Variants in C1QTNF1 observed in about 807,000 individuals in gnomAD.
The protein encoded by C1QTNF1 is complement C1q tumor necrosis factor-related protein 1.
Under a neutral mutation model 27.8 loss-of-function variants are expected in C1QTNF1, and 22 were observed. The ratio of observed to expected loss-of-function variants is 0.79; its 90% CI spans 0.56 to 1.13. The LOEUF (loss-of-function observed/expected upper bound fraction) is 1.13. Ranked by LOEUF, C1QTNF1 falls within the 50% of genes most tolerant of loss-of-function variation. C1QTNF1 has a pLI of 0.00. For synonymous variants in C1QTNF1, 166 were observed against 154.3 expected (o/e 1.08, Z -0.56); for missense variants, 373 against 380.2 (o/e 0.98, Z 0.16).
chr17:79,035,684 G>C (rs927192504), intron 1 of C1QTNF1, among the ~76,000 whole-genome samples: 1 of 152,178 alleles, frequency 6.6e-6, no homozygotes, highest in East Asian at 1.9e-4. Flanking sequence ...GCCCACCTCA[G>C]CCTCCCAAAG....
Position 79,048,158 on chromosome 17 carries a change from C to A in C1QTNF1, c.*70C>A. 7.2e-7 allele frequency: 1 copy of A among 1,394,762 alleles called. No homozygotes were observed. The highest frequency in any genetic ancestry group is 1.5e-5 in the South Asian group (1 of 67,114). 86.4% of individuals were successfully genotyped at this position (1,394,762 alleles called of 1,614,324 possible). ...CTGTGCTGACCCCACCGCCTCTTCC[C>A]CGATCCCTGGACTCCGACTCCCTGG... On this transcript the variant is annotated 3_prime_UTR_variant, in exon 4 of 4. Coordinates refer to ENST00000579760, the MANE Select transcript of C1QTNF1 (RefSeq NM_030968.5).
Position 79,043,947 on chromosome 17 carries a change from C to A in C1QTNF1, c.-14-8C>A, listed in dbSNP as rs544783973. ...CGGTGCCTTCCCTGTGTGTTTCTTT[C>A]CCACCAGGGCCCGGCAGGAAGATGG... is the stretch of plus-strand genomic sequence containing the variant. On this transcript the variant is annotated splice_region_variant and splice_polypyrimidine_tract_variant and intron_variant, in intron 1 of 3. Coordinates refer to ENST00000579760, the MANE Select transcript of C1QTNF1 (RefSeq NM_030968.5). 1 of 1,613,494 alleles carries A rather than the reference C, an allele frequency of 6.2e-7. No individual in the cohort carries two copies. The highest frequency in any genetic ancestry group is 1.3e-5 in the African/African-American group (1 of 74,934).
At chr17:79,041,012 G>A (rs182212063) in intron 1 of C1QTNF1, among the ~76,000 whole-genome samples, 13 of 152,304 alleles carry the variant, frequency 8.5e-5, no homozygotes, top group South Asian at 6.2e-4. Context: ...GGGGCCATCC[G>A]TGATGGGATA....
At chr17:79,027,568 C>G (rs1394454496) in intron 1 of C1QTNF1, 2 of 152,330 alleles carry the variant, frequency 1.3e-5, no homozygotes, top group African/African-American at 2.4e-5. Context: ...CAGGGACATG[C>G]AGGAGCAGGA....
At chr17:79,033,887 G>A (rs1477809921) in intron 1 of C1QTNF1, among the ~76,000 whole-genome samples, 1 of 152,156 alleles carries the variant, frequency 6.6e-6, no homozygotes, top group African/African-American at 2.4e-5. Flanking sequence ...CAGTGCGCAC[G>A]AAAGAGGAAT....
At chr17:79,028,496 A>T (rs2072036231) in intron 1 of C1QTNF1, among the ~76,000 whole-genome samples, 1 of 152,088 alleles carries the variant, frequency 6.6e-6, no homozygotes, top group Non-Finnish European at 1.5e-5. Flanking sequence ...AAACGCTTAG[A>T]CCCATTCTCC....
rs571838668 is a variant in C1QTNF1 at position 79,049,381 on chromosome 17, C to G, written c.*1293C>G. 6.6e-6 allele frequency: 1 copy of G among 152,520 alleles called. No homozygotes were observed. Among genetic ancestry groups the G allele is most frequent in the Non-Finnish European group, 1.5e-5 (1 of 68,184 alleles). 9.4% of individuals were successfully genotyped at this position (152,520 alleles called of 1,614,324 possible). Reference sequence around the variant, plus strand: ...TGGGTGGCAGGAGAGGCAATAGCCCCTGTGGCAATTGCAGGACCAGCTGGA... The same window carrying G: ...TGGGTGGCAGGAGAGGCAATAGCCCGTGTGGCAATTGCAGGACCAGCTGGA... On this transcript the variant is annotated 3_prime_UTR_variant, in exon 4 of 4. Transcript: ENST00000579760. The surrounding 1 kb of genome is among the most constrained non-coding windows in gnomAD (Gnocchi z 4.4).
At chr17:79,035,171 C>A (rs749456452) in intron 1 of C1QTNF1, among the ~76,000 whole-genome samples, 33 of 152,116 alleles carry the variant, frequency 2.2e-4, no homozygotes, top group Non-Finnish European at 5.9e-5. Flanking sequence ...AGAAGGACAC[C>A]CCAACGTGGC....
intron 1 of C1QTNF1, among the ~76,000 whole-genome samples, chr17:79,030,529 C>CT (rs67155586): frequency 1.2e-4 from 7 of 59,926 alleles, no homozygotes; most frequent in East Asian, 7.7e-4. Context: ...TTCTTTCTTT[C>CT]TTCTTTCTTT....
intron 1 of C1QTNF1, chr17:79,027,608 C>G (rs1242974312): frequency 6.6e-6 from 1 of 152,276 alleles, no homozygotes; most frequent in African/African-American, 2.4e-5. Flanking sequence ...CTTCCCGAGC[C>G]CCGCAGTGAG....
intron 1 of C1QTNF1, 23 bp from the exon 2 acceptor site, chr17:79,043,932 C>G: frequency 6.2e-7 from 1 of 1,612,940 alleles, no homozygotes; most frequent in Non-Finnish European, 8.5e-7. Flanking sequence ...CGGTGCCTTC[C>G]CTGTGTGTTT....
chr17:79,047,675 T>C lies in C1QTNF1; in HGVS notation c.433T>C (p.Tyr145His). 3 of 1,613,968 alleles carry C rather than the reference T, an allele frequency of 1.9e-6. No individual in the cohort carries two copies. The stretch of plus-strand genomic sequence containing the variant: ...CCCTGGGGAGCGGTGCAAGAGCCAC[T>C]ACGCCGCCTTTTCGGTGGGCCGGAA... ...GAPGERCKSHYAAFSVGRKKP... is the reference protein window; with the variant it reads ...GAPGERCKSHHAAFSVGRKKP... Residue 145 changes from tyrosine (Y) to histidine (H), a missense_variant, in exon 4 of 4, where the codon TAC (tyrosine) becomes CAC (histidine). By Grantham distance (83) the Tyr-to-His change is moderately conservative. Transcript: ENST00000579760.
chr17:79,034,700 A>G (rs2072224004), intron 1 of C1QTNF1, among the ~76,000 whole-genome samples: 2 of 152,242 alleles, frequency 1.3e-5, no homozygotes, highest in Non-Finnish European at 2.9e-5. Flanking sequence ...GTAACCCTGG[A>G]AGAGTCTGTA....
chr17:79,033,769 G>A (rs75077095), intron 1 of C1QTNF1, among the ~76,000 whole-genome samples: 3,560 of 152,180 alleles, frequency 0.023, 120 homozygotes, highest in African/African-American at 0.081. Flanking sequence ...GAACAGCCTG[G>A]GAGAGCACCT....
Position 79,034,879 on chromosome 17 carries a change from G to A in C1QTNF1, c.-14-9076G>A, listed in dbSNP as rs554252215. On this transcript the variant is annotated intron_variant, in intron 1 of 3. Transcript: ENST00000579760. ...CATCTCTCAGGAAAAGGGGCTGCTC[G>A]GCTCCATCTGGCGAGAATTCCTTCC... Among the ~76,000 whole-genome samples, 9 of 152,286 alleles carry A rather than the reference G, an allele frequency of 5.9e-5. No individual in the cohort carries two copies. In the East Asian group the frequency reaches 1.5e-3, roughly 26 times the overall value.
At chr17:79,040,705 G>A (rs1198773191) in intron 1 of C1QTNF1, among the ~76,000 whole-genome samples, 1 of 133,174 alleles carries the variant, frequency 7.5e-6, no homozygotes, top group Admixed American at 8.2e-5. Context: ...ACCAGCCTGG[G>A]CAACATGGTG....
rs2072652397 is a variant in C1QTNF1 at position 79,048,146 on chromosome 17, A to AGGGCTCAGCACCAGGCTGACC, written c.*58_*59insGGGCTCAGCACCAGGCTGACC. 2.9e-5 allele frequency: 41 copies of AGGGCTCAGCACCAGGCTGACC among 1,416,782 alleles called. No homozygotes were observed. The highest frequency in any genetic ancestry group is 2.1e-4 in the Middle Eastern group (1 of 4,860). 87.8% of individuals were successfully genotyped at this position (1,416,782 alleles called of 1,614,324 possible). A position where few individuals can be genotyped will look rare whatever the true frequency, so the allele number is the denominator to read the frequency against. On this transcript the variant is annotated 3_prime_UTR_variant, in exon 4 of 4. Coordinates refer to ENST00000579760, the MANE Select transcript of C1QTNF1 (RefSeq NM_030968.5). ...TCCACCCCTGCGCTGTGCTGACCCC[A>AGGGCTCAGCACCAGGCTGACC]CCGCCTCTTCCCCGATCCCTGGACT... is the stretch of plus-strand genomic sequence containing the variant.
chr17:79,047,812 C>G lies in C1QTNF1; in HGVS notation c.570C>G (p.Pro190=). 6.2e-7 allele frequency: 1 copy of G among 1,614,172 alleles called. No individual in the cohort carries two copies. The highest frequency in any genetic ancestry group is 8.5e-7 in the Non-Finnish European group (1 of 1,180,034). Residue 190 remains proline (P), a synonymous_variant, in exon 4 of 4, where the codon CCC becomes CCG. Coordinates refer to ENST00000579760, the MANE Select transcript of C1QTNF1 (RefSeq NM_030968.5). The part of the protein sequence containing the change: ...MFTGKFYCYV[P]GLYFFSLNVH... ...CCGGCAAGTTCTACTGCTACGTGCC[C>G]GGCCTCTACTTCTTCAGCCTCAACG...
At chr17:79,045,259 G>A (rs914438778) in intron 2 of C1QTNF1, among the ~76,000 whole-genome samples, 7 of 152,160 alleles carry the variant, frequency 4.6e-5, no homozygotes, top group African/African-American at 1.7e-4. Context: ...TGTTGGGCTG[G>A]TGGGTGGTTT....
Sources: gnomAD v4.1 joint callset for allele counts (sites outside exome capture counted in the v4.1 genomes callset) on GRCh38, gnomAD v4.1.1 for gene constraint, Gnocchi (gnomAD v3.1) non-coding constraint, MANE v1.5 for transcripts, NCBI Gene and HGNC (gene_info 2026-07-23, HGNC 2026-07-21) for gene names.